NPAS3: variants seen among roughly 807,000 people sequenced by gnomAD.
The protein encoded by NPAS3 is neuronal PAS domain protein 3.
NPAS3 carries 14 observed loss-of-function variants against 73.1 expected under a neutral mutation model. The ratio of observed to expected loss-of-function variants is 0.19; its 90% CI spans 0.13 to 0.30. The LOEUF is 0.30. Among genes scored for constraint, NPAS3 ranks in the 10% least tolerant of loss-of-function variants. NPAS3 has a pLI of 1.00. For synonymous variants in NPAS3, 620 were observed against 541.5 expected (o/e 1.14, Z -2.01); for missense variants, 1,096 against 1,250.0 (o/e 0.88, Z 1.86).
intron 5 of NPAS3, chr14:33,582,180 T>G (rs1252838453): frequency 6.6e-6 from 1 of 152,246 alleles, no homozygotes; most frequent in Non-Finnish European, 1.5e-5. Context: ...CAAATTGACC[T>G]TCTCATAGCA....
chr14:33,213,725 C>G (rs1256112593), intron 2 of NPAS3: 1 of 152,186 alleles, frequency 6.6e-6, no homozygotes, highest in East Asian at 1.9e-4. Context: ...ATAGCATTAA[C>G]TTGTCTAATT....
At chr14:33,783,741 T>A (rs1373880572) in intron 9 of NPAS3, among the ~76,000 whole-genome samples, 2 of 151,968 alleles carry the variant, frequency 1.3e-5, no homozygotes, top group Non-Finnish European at 2.9e-5. Flanking sequence ...TGTGCATCAG[T>A]GGGGCAGTGG....
chr14:32,953,459 G>A (rs2036563424), intron 1 of NPAS3, among the ~76,000 whole-genome samples: 1 of 152,154 alleles, frequency 6.6e-6, no homozygotes, highest in Non-Finnish European at 1.5e-5. Flanking sequence ...CTGTCCTGTG[G>A]TCCATCAGTG....
intron 6 of NPAS3, among the ~76,000 whole-genome samples, chr14:33,725,339 A>C (rs1302040799): frequency 6.6e-6 from 1 of 152,134 alleles, no homozygotes; most frequent in Non-Finnish European, 1.5e-5. Context: ...TTTAACATTA[A>C]AAGATTAGGC....
intron 4 of NPAS3, among the ~76,000 whole-genome samples, chr14:33,555,293 A>G (rs1014528891): frequency 6.6e-6 from 1 of 152,204 alleles, no homozygotes; most frequent in African/African-American, 2.4e-5. Context: ...AATCTTCTTG[A>G]GGAGGGACTA....
At chr14:33,790,606 T>G (rs150977979) in intron 9 of NPAS3, among the ~76,000 whole-genome samples, 3 of 152,150 alleles carry the variant, frequency 2.0e-5, no homozygotes, top group African/African-American at 7.2e-5. Context: ...AAATTTACAT[T>G]CTGGAGGCCC....
In NPAS3 at chr14:33,180,802, GAAA is replaced by G. The variant is rs869085160; in HGVS notation, c.141-34359_141-34357del. Among the ~76,000 whole-genome samples the G allele has an allele frequency of 8.0e-5, 6 of 74,730 alleles. No homozygotes were observed. The East Asian group carries it at 9.6e-3, about 120-fold the overall frequency. 49.0% of individuals were successfully genotyped at this position (74,730 alleles called of 152,430 possible). A position where few individuals can be genotyped will look rare whatever the true frequency, so the allele number is the denominator to read the frequency against. On this transcript the variant is annotated intron_variant, in intron 2 of 11. Coordinates refer to ENST00000356141, the Ensembl canonical transcript of NPAS3. Reference sequence around the variant, plus strand: ...CGACAGAGCGAGACACTGTCTCCAAGAAAAAAAAAAAAAAAAAAAAAAAGACAC... The same window carrying G: ...CGACAGAGCGAGACACTGTCTCCAAGAAAAAAAAAAAAAAAAAAAAGACAC...
At chr14:33,178,212 C>G (rs960490312) in intron 2 of NPAS3, among the ~76,000 whole-genome samples, 7 of 151,712 alleles carry the variant, frequency 4.6e-5, no homozygotes, top group Admixed American at 2.0e-4. Context: ...GTGGCTGGGA[C>G]TACAGGTGCA....
intron 5 of NPAS3, among the ~76,000 whole-genome samples, chr14:33,653,135 T>C (rs1274867582): frequency 6.6e-6 from 1 of 152,224 alleles, no homozygotes. Flanking sequence ...GTGAGCCACC[T>C]TGAATCTCTT....
At chr14:32,969,047 G>A (rs942370252) in intron 1 of NPAS3, among the ~76,000 whole-genome samples, 3 of 151,980 alleles carry the variant, frequency 2.0e-5, no homozygotes, top group Admixed American at 1.3e-4. Context: ...TTGTTCCTGC[G>A]TTAGTTTGCT....
intron 1 of NPAS3, among the ~76,000 whole-genome samples, chr14:32,943,693 C>CTTTTTTTTTTTT (rs11331212): frequency 1.6e-5 from 2 of 122,316 alleles, no homozygotes; most frequent in East Asian, 2.2e-4. Context: ...TTTTCTTTTT[C>CTTTTTTTTTTTT]TTTTTTTTTT....
chr14:33,592,953 G>A (rs182188026), intron 5 of NPAS3, among the ~76,000 whole-genome samples: 113 of 152,118 alleles, frequency 7.4e-4, no homozygotes, highest in Non-Finnish European at 1.2e-3. Context: ...CTTACCTAGG[G>A]AAAGTTTGTT....
At chr14:33,609,234 T>G (rs1297728276) in intron 5 of NPAS3, among the ~76,000 whole-genome samples, 2 of 152,226 alleles carry the variant, frequency 1.3e-5, no homozygotes, top group African/African-American at 4.8e-5. Context: ...ATTGACCACA[T>G]TTACTAGACA....
chr14:33,572,607 T>C (rs1356605168), intron 5 of NPAS3, among the ~76,000 whole-genome samples: 1 of 152,190 alleles, frequency 6.6e-6, no homozygotes, highest in Non-Finnish European at 1.5e-5. Flanking sequence ...AAAGCACTCA[T>C]TGTTAACCAG....
At chr14:33,222,612 G>C (rs2139718845) in intron 3 of NPAS3, among the ~76,000 whole-genome samples, 1 of 152,268 alleles carries the variant, frequency 6.6e-6, no homozygotes, top group Middle Eastern at 3.4e-3. Flanking sequence ...GCCTGTCTCT[G>C]TATTGAGACT....
rs551461856 is a variant in NPAS3, at chr14:33,053,327, T to C, written c.51-2578T>C. On this transcript the variant is annotated intron_variant, in intron 1 of 11. Transcript: ENST00000356141. ...CTCCTTTTTCCCTTAGTTTGACTTC[T>C]TGTAACTAATTATTTAAATTCTGCC... Among the ~76,000 whole-genome samples, 12 of 152,352 alleles carry C rather than the reference T, an allele frequency of 7.9e-5. No homozygotes were observed. In the South Asian group the frequency reaches 1.7e-3, roughly 21 times the overall value.
intron 6 of NPAS3, among the ~76,000 whole-genome samples, chr14:33,701,185 A>G (rs1036203417): frequency 6.6e-6 from 1 of 152,234 alleles, no homozygotes; most frequent in Non-Finnish European, 1.5e-5. Flanking sequence ...AAGTATTTTC[A>G]AATACATGCT....
At chr14:32,951,015 G>A (rs1036598673) in intron 1 of NPAS3, among the ~76,000 whole-genome samples, 1 of 152,030 alleles carries the variant, frequency 6.6e-6, no homozygotes. Context: ...CGTGGATATC[G>A]AGATTGTCAG....
At chr14:33,012,565 T>C (rs1173082269) in intron 1 of NPAS3, among the ~76,000 whole-genome samples, 1 of 152,046 alleles carries the variant, frequency 6.6e-6, no homozygotes, top group Non-Finnish European at 1.5e-5. Flanking sequence ...TTTTTTTTTT[T>C]TTAGATGGAG....
Sources: allele counts gnomAD v4.1 joint callset (sites outside exome capture counted in the v4.1 genomes callset), GRCh38; gene constraint gnomAD v4.1.1; transcripts MANE v1.5; gene names NCBI Gene and HGNC (gene_info 2026-07-23, HGNC 2026-07-21).